PKNOX2: variants seen among roughly 807,000 people sequenced by gnomAD.
PKNOX2 encodes PBX/knotted 1 homeobox 2, also known as homeobox protein PKNOX2.
PKNOX2 carries 14 observed loss-of-function variants against 53.1 expected under a neutral mutation model. That is an observed-to-expected ratio of 0.26 (90% CI 0.17 to 0.41). PKNOX2 has a LOEUF of 0.41. Among genes scored for constraint, PKNOX2 ranks in the 10% least tolerant of loss-of-function variants. The pLI, the probability that PKNOX2 is intolerant of heterozygous loss-of-function variation, is 1.00. For synonymous variants in PKNOX2, 257 were observed against 242.8 expected, an observed-to-expected ratio of 1.06 and a Z score of -0.54; for missense variants, 496 against 602.8, an observed-to-expected ratio of 0.82 and a Z score of 1.85.
At chr11:125,295,694 C>G (rs1385479444) in intron 2 of PKNOX2, among the ~76,000 whole-genome samples, 1 of 152,170 alleles carries the variant, frequency 6.6e-6, no homozygotes, top group Non-Finnish European at 1.5e-5. Flanking sequence ...GACAGGGTCA[C>G]TGGATTTGGC....
chr11:125,308,694 G>A (rs1271388502), intron 2 of PKNOX2, among the ~76,000 whole-genome samples: 1 of 152,046 alleles, frequency 6.6e-6, no homozygotes, highest in Non-Finnish European at 1.5e-5. Context: ...TAACTGCCGT[G>A]CTGTGATGGC....
chr11:125,200,191 G>A (rs1290227284), intron 1 of PKNOX2, among the ~76,000 whole-genome samples: 1 of 152,200 alleles, frequency 6.6e-6, no homozygotes, highest in Non-Finnish European at 1.5e-5. Flanking sequence ...CACTGCCAAA[G>A]CATTTTGTTC....
intron 2 of PKNOX2, among the ~76,000 whole-genome samples, chr11:125,310,219 G>A (rs1048082662): frequency 5.9e-5 from 9 of 151,894 alleles, no homozygotes; most frequent in African/African-American, 1.5e-4. Flanking sequence ...CTATTAGGCC[G>A]GGCGCGGTGG....
At chr11:125,385,458 G>A (rs1953559128) in intron 5 of PKNOX2, 93 bp from the exon 6 acceptor site, 4 of 1,390,632 alleles carry the variant, frequency 2.9e-6, no homozygotes, top group East Asian at 5.0e-5. Flanking sequence ...AGAAGTGAGG[G>A]GAACGTGGGC....
At chr11:125,387,684 C>G (rs1017752334) in intron 6 of PKNOX2, among the ~76,000 whole-genome samples, 6 of 152,196 alleles carry the variant, frequency 3.9e-5, no homozygotes, top group Non-Finnish European at 7.3e-5. Context: ...ATACTGCCAG[C>G]GTTCCCTGGT....
intron 4 of PKNOX2, among the ~76,000 whole-genome samples, chr11:125,359,058 C>T (rs1015438232): frequency 6.3e-5 from 9 of 142,800 alleles, no homozygotes; most frequent in Non-Finnish European, 9.1e-5. Context: ...GAGGACAGTC[C>T]CTGCTGAGGC....
intron 3 of PKNOX2, 120 bp from the exon 4 acceptor site, chr11:125,351,164 A>G (rs1951286624): frequency 1.4e-6 from 1 of 706,398 alleles, no homozygotes; most frequent in Non-Finnish European, 2.6e-6. Flanking sequence ...AAGGGCGTGC[A>G]ACCCTTGCCG....
intron 6 of PKNOX2, among the ~76,000 whole-genome samples, chr11:125,397,227 G>A (rs1172250725): frequency 6.6e-6 from 1 of 152,224 alleles, no homozygotes; most frequent in Non-Finnish European, 1.5e-5. Context: ...GCCCAGCTAA[G>A]TCATGCTGGA....
chr11:125,314,108 G>A lies in PKNOX2; in HGVS notation c.-129-17711G>A, dbSNP rs192170501. ...GACTTCCTTGAGGATGCAGGGCTGC[G>A]GAGCCCTGTGGGTATGCAGAGGAGA... is the stretch of plus-strand genomic sequence containing the variant. On this transcript the variant is annotated intron_variant, in intron 2 of 12. Transcript: ENST00000298282. 2.4e-3 allele frequency among the ~76,000 whole-genome samples: 366 copies of A among 152,300 alleles called. 6 individuals carry two copies. The highest frequency in any genetic ancestry group is 9.6e-4 in the East Asian group (5 of 5,188).
intron 10 of PKNOX2, among the ~76,000 whole-genome samples, chr11:125,414,653 G>A (rs569015951): frequency 2.7e-4 from 41 of 152,100 alleles, no homozygotes; most frequent in African/African-American, 8.4e-4. Flanking sequence ...AACTAGGCAC[G>A]GTAGAAAGAA....
chr11:125,372,993 C>T (rs1350217398), intron 5 of PKNOX2, among the ~76,000 whole-genome samples: 1 of 152,216 alleles, frequency 6.6e-6, no homozygotes, highest in Non-Finnish European at 1.5e-5. Flanking sequence ...TGGGGAGGAA[C>T]AGAGCAGGAC....
intron 1 of PKNOX2, among the ~76,000 whole-genome samples, chr11:125,212,800 C>T (rs1157333192): frequency 6.6e-6 from 1 of 151,950 alleles, no homozygotes; most frequent in Non-Finnish European, 1.5e-5. Context: ...CCTAGTTGCT[C>T]CCACATCCTT....
intron 1 of PKNOX2, among the ~76,000 whole-genome samples, chr11:125,229,521 G>A (rs1475882935): frequency 1.3e-5 from 2 of 152,204 alleles, no homozygotes; most frequent in East Asian, 3.9e-4. Context: ...GGGGCTGGTA[G>A]TTGGCAACCT....
chr11:125,348,818 A>G (rs574039822), intron 3 of PKNOX2, among the ~76,000 whole-genome samples: 2 of 152,210 alleles, frequency 1.3e-5, no homozygotes, highest in African/African-American at 4.8e-5. Context: ...CTTCTAATCC[A>G]TGGAATGAGG....
chr11:125,349,597 C>T (rs1951188037), intron 3 of PKNOX2, among the ~76,000 whole-genome samples: 1 of 152,160 alleles, frequency 6.6e-6, no homozygotes, highest in South Asian at 2.1e-4. Context: ...CCACCTCCAC[C>T]TCATTTTCTT....
chr11:125,177,853 G>A (rs1447675939), intron 1 of PKNOX2, among the ~76,000 whole-genome samples: 1 of 152,170 alleles, frequency 6.6e-6, no homozygotes, highest in African/African-American at 2.4e-5. Context: ...CAGAAGCAGG[G>A]GAAGCAGTGC....
chr11:125,414,971 C>T (rs1955792995), intron 10 of PKNOX2, among the ~76,000 whole-genome samples: 1 of 152,156 alleles, frequency 6.6e-6, no homozygotes, highest in Non-Finnish European at 1.5e-5. Context: ...ATAACACCTA[C>T]TGATTTTACT....
At chr11:125,297,828 G>T (rs551199972) in intron 2 of PKNOX2, among the ~76,000 whole-genome samples, 1 of 152,064 alleles carries the variant, frequency 6.6e-6, no homozygotes, top group Non-Finnish European at 1.5e-5. Flanking sequence ...TCATCTCCTC[G>T]CCAGGATGAG....
At chr11:125,424,937 C>CAG (rs1956336362) in intron 10 of PKNOX2, among the ~76,000 whole-genome samples, 2 of 152,306 alleles carry the variant, frequency 1.3e-5, no homozygotes, top group Admixed American at 6.5e-5. Flanking sequence ...AGGGAGGTAT[C>CAG]AGAGAGAGAT....
Sources: gnomAD v4.1 joint callset for allele counts (sites outside exome capture counted in the v4.1 genomes callset) on GRCh38, gnomAD v4.1.1 for gene constraint, MANE v1.5 for transcripts, NCBI Gene and HGNC (gene_info 2026-07-23, HGNC 2026-07-21) for gene names.